The following NAV2 variants were observed in gnomAD, a reference collection of about 807,000 sequenced individuals.
NAV2 encodes helicase, APC down-regulated 1.
Under a neutral mutation model 223.2 loss-of-function variants are expected in NAV2, and 54 were observed. The ratio of observed to expected loss-of-function variants is 0.24; its 90% CI spans 0.19 to 0.30. NAV2 has a LOEUF of 0.30. Ranked by LOEUF, NAV2 falls within the 10% of genes least tolerant of loss-of-function variation. The pLI, the probability that NAV2 is intolerant of heterozygous loss-of-function variation, is 1.00. For missense variants in NAV2, 2,806 were observed against 3,147.5 expected (o/e 0.89, Z 2.60); for synonymous variants, 1,279 against 1,239.3 (o/e 1.03, Z -0.67).
At chr11:20,012,857 G>A (rs570730748) in intron 11 of NAV2, among the ~76,000 whole-genome samples, 1 of 152,294 alleles carries the variant, frequency 6.6e-6, no homozygotes, top group Admixed American at 6.5e-5. Flanking sequence ...TTAAGCATGG[G>A]CTTTGAAATC....
chr11:19,756,845 C>T (rs964697005), intron 1 of NAV2, among the ~76,000 whole-genome samples: 2 of 152,162 alleles, frequency 1.3e-5, no homozygotes, highest in Non-Finnish European at 2.9e-5. Context: ...TGCATCCAGC[C>T]CCTTGGATTT....
intron 1 of NAV2, among the ~76,000 whole-genome samples, chr11:19,619,150 G>C (rs1040893119): frequency 1.3e-5 from 2 of 151,098 alleles, no homozygotes; most frequent in Non-Finnish European, 2.9e-5. Flanking sequence ...TCTTAATCCA[G>C]TCTATCATTG....
At chr11:19,802,026 T>C (rs1031464482) in intron 1 of NAV2, among the ~76,000 whole-genome samples, 4 of 152,208 alleles carry the variant, frequency 2.6e-5, no homozygotes, top group African/African-American at 9.7e-5. Context: ...AGCTTTGTTC[T>C]ATGAAGAGTA....
intron 11 of NAV2, among the ~76,000 whole-genome samples, chr11:19,991,841 G>A (rs1029665099): frequency 6.6e-6 from 1 of 152,038 alleles, no homozygotes; most frequent in African/African-American, 2.4e-5. Context: ...TCTTGCTAGG[G>A]TCAATCAATT....
chr11:19,561,551 G>A (rs532457718), intron 1 of NAV2, among the ~76,000 whole-genome samples: 2 of 152,276 alleles, frequency 1.3e-5, no homozygotes, highest in African/African-American at 4.8e-5. Flanking sequence ...TGAACATTGT[G>A]TAAGCACCTA....
intron 1 of NAV2, among the ~76,000 whole-genome samples, chr11:19,620,592 A>G (rs529766984): frequency 5.3e-5 from 8 of 152,122 alleles, no homozygotes; most frequent in Admixed American, 2.6e-4. Flanking sequence ...AATGCTTGTG[A>G]TTTTTGCACA....
rs79741375 is a variant in NAV2, at chr11:19,850,376, G to A, written c.438+7453G>A. Among the ~76,000 whole-genome samples, 985 of 152,228 alleles carry A rather than the reference G, an allele frequency of 6.5e-3. 11 individuals carry two copies. Among genetic ancestry groups the A allele is most frequent in the African/African-American group, 0.023 (946 of 41,508 alleles). On this transcript the variant is annotated intron_variant, in intron 3 of 37. Coordinates refer to ENST00000349880, the MANE Select transcript of NAV2 (RefSeq NM_145117.5). ...TGTCTTTCACTTGAGTATCCTAAGC[G>A]TCTGTCATTTTGGTGACTGGGCCTG... is the stretch of plus-strand genomic sequence containing the variant.
At chr11:19,931,253 G>T (rs1035020837) in intron 6 of NAV2, among the ~76,000 whole-genome samples, 6 of 152,288 alleles carry the variant, frequency 3.9e-5, no homozygotes, top group African/African-American at 1.4e-4. Flanking sequence ...CTGATTCCAA[G>T]CCAGTCTCCC....
intron 1 of NAV2, chr11:19,777,961 G>A (rs2056412877): frequency 2.2e-6 from 1 of 455,560 alleles, no homozygotes. Context: ...TGGCTTGTCT[G>A]TGGGGAATAC....
rs1554918374 is a variant in NAV2 at position 19,393,903 on chromosome 11, T to TTC, written c.75+42877_75+42878insCT. 2.5e-3 allele frequency among the ~76,000 whole-genome samples: 14 copies of TTC among 5,620 alleles called. No individual in the cohort carries two copies. The Admixed American group carries it at 0.04, about 16-fold the overall frequency. The allele number at this position is 5,620 out of a possible 152,430, so 3.7% of individuals were successfully genotyped here. A position where few individuals can be genotyped will look rare whatever the true frequency, so the allele number is the denominator to read the frequency against. On this transcript the variant is annotated intron_variant, in intron 1 of 37. Coordinates refer to the NAV2 transcript ENST00000360655. ...GATTTTATAACTTAAGGGTTTTTTTTTTCTTTTTTTTTTTTTAGGTCAAAT... is the reference window on the plus strand; with the variant it reads ...GATTTTATAACTTAAGGGTTTTTTTTTCTTCTTTTTTTTTTTTTAGGTCAAAT...
intron 1 of NAV2, among the ~76,000 whole-genome samples, chr11:19,411,688 C>A (rs1401381607): frequency 1.3e-5 from 2 of 152,126 alleles, no homozygotes; most frequent in Non-Finnish European, 2.9e-5. Context: ...GCTGTTGGAT[C>A]TGCCCTACTT....
intron 10 of NAV2, among the ~76,000 whole-genome samples, chr11:19,972,843 C>T (rs371361184): frequency 1.3e-5 from 2 of 152,170 alleles, no homozygotes; most frequent in African/African-American, 4.8e-5. Context: ...CTAGTGCCTG[C>T]CTCTCAGTAG....
At chr11:19,642,097 C>G (rs903926045) in intron 1 of NAV2, among the ~76,000 whole-genome samples, 6 of 152,134 alleles carry the variant, frequency 3.9e-5, no homozygotes, top group African/African-American at 1.4e-4. Context: ...AAGTTGAAAG[C>G]CTTAGATGAA....
chr11:19,451,365 A>T (rs1296349965), intron 1 of NAV2, among the ~76,000 whole-genome samples: 1 of 152,200 alleles, frequency 6.6e-6, no homozygotes, highest in African/African-American at 2.4e-5. Flanking sequence ...CAGAAAAGGA[A>T]GCAGATCTCA....
At chr11:19,552,876 A>AGT (rs889532093) in intron 1 of NAV2, among the ~76,000 whole-genome samples, 3 of 82,820 alleles carry the variant, frequency 3.6e-5, no homozygotes, top group Non-Finnish European at 4.2e-5. Flanking sequence ...ATTGTGAGAG[A>AGT]GTGTGTGTGA....
intron 11 of NAV2, among the ~76,000 whole-genome samples, chr11:20,001,666 G>A (rs149628648): frequency 1.2e-4 from 17 of 145,228 alleles, no homozygotes; most frequent in Middle Eastern, 3.6e-3. Flanking sequence ...GAGAACACTC[G>A]GACACAGGAA....
intron 1 of NAV2, among the ~76,000 whole-genome samples, chr11:19,448,902 T>C (rs1851686694): frequency 2.0e-5 from 3 of 152,210 alleles, no homozygotes; most frequent in Admixed American, 1.3e-4. Flanking sequence ...CAATGTGCTC[T>C]CTAAGAGTGA....
At chr11:19,718,796 A>G (rs2050520810) in intron 1 of NAV2, among the ~76,000 whole-genome samples, 1 of 152,204 alleles carries the variant, frequency 6.6e-6, no homozygotes, top group Non-Finnish European at 1.5e-5. Flanking sequence ...TTACATGTGT[A>G]TATATCTGTA....
At chr11:19,948,119 C>G (rs2047082222) in intron 9 of NAV2, among the ~76,000 whole-genome samples, 1 of 151,746 alleles carries the variant, frequency 6.6e-6, no homozygotes, top group South Asian at 2.1e-4. Context: ...GAGTCTCACT[C>G]TCTGTCGGCA....
Sources: gnomAD v4.1 joint callset for allele counts (sites outside exome capture counted in the v4.1 genomes callset) on GRCh38, gnomAD v4.1.1 for gene constraint, MANE v1.5 for transcripts, NCBI Gene and HGNC (gene_info 2026-07-23, HGNC 2026-07-21) for gene names.